Variants in MECOM observed in about 807,000 individuals in gnomAD.
MECOM encodes the protein histone-lysine N-methyltransferase MECOM.
A neutral mutation model predicts 116.3 loss-of-function variants in MECOM; 13 were observed. That is an observed-to-expected ratio of 0.11 (90% CI 0.07 to 0.18). MECOM has a LOEUF of 0.18. Among genes scored for constraint, MECOM ranks in the 10% least tolerant of loss-of-function variants. MECOM has a pLI of 1.00. For missense variants in MECOM, 1,299 were observed against 1,509.0 expected (o/e 0.86, Z 2.31); for synonymous variants, 528 against 535.2 (o/e 0.99, Z 0.19).
At chr3:169,526,892 A>G (rs1167146673) in intron 1 of MECOM, among the ~76,000 whole-genome samples, 3 of 152,188 alleles carry the variant, frequency 2.0e-5, no homozygotes, top group Non-Finnish European at 4.4e-5. Context: ...AAAGCTATAT[A>G]AAATAATGAT....
chr3:169,227,107 T>G (rs906747439), intron 2 of MECOM, among the ~76,000 whole-genome samples: 1 of 152,158 alleles, frequency 6.6e-6, no homozygotes, highest in Non-Finnish European at 1.5e-5. Flanking sequence ...TATAAAATAG[T>G]CATGGTGATG....
At chr3:169,626,211 A>G (rs1237103495) in intron 1 of MECOM, among the ~76,000 whole-genome samples, 1 of 152,158 alleles carries the variant, frequency 6.6e-6, no homozygotes, top group Non-Finnish European at 1.5e-5. Context: ...TTTGTGGTGT[A>G]ACTTATCCTC....
chr3:169,087,710 C>G (rs1311643701), intron 16 of MECOM, among the ~76,000 whole-genome samples: 2 of 152,084 alleles, frequency 1.3e-5, no homozygotes, highest in East Asian at 3.9e-4. Flanking sequence ...CTAGCCACCC[C>G]TTATGGATGT....
In MECOM at chr3:169,370,688, T is replaced by G. The variant is rs182813899; in HGVS notation, c.375+10499A>C. 2.1e-3 allele frequency among the ~76,000 whole-genome samples: 314 copies of G among 151,806 alleles called. 1 individual carries two copies. Among genetic ancestry groups the G allele is most frequent in the African/African-American group, 6.9e-3 (288 of 41,478 alleles). ...TCATGCAACTCAATAGCAAAAAACATTAATAATAAAATAACTCAATTTAAA... is the reference window on the plus strand; with the variant it reads ...TCATGCAACTCAATAGCAAAAAACAGTAATAATAAAATAACTCAATTTAAA... On this transcript the variant is annotated intron_variant, in intron 2 of 16. Transcript: ENST00000651503.
At chr3:169,205,657 G>A (rs1378573383) in intron 2 of MECOM, among the ~76,000 whole-genome samples, 1 of 152,164 alleles carries the variant, frequency 6.6e-6, no homozygotes, top group Non-Finnish European at 1.5e-5. Flanking sequence ...AAAATGGGAG[G>A]ATTCAGGAAG....
At chr3:169,244,631 C>G (rs1264846121) in intron 2 of MECOM, among the ~76,000 whole-genome samples, 1 of 152,192 alleles carries the variant, frequency 6.6e-6, no homozygotes, top group African/African-American at 2.4e-5. Flanking sequence ...AAAATTACAG[C>G]ATTAAGTTTC....
chr3:169,580,497 C>T (rs990357115), intron 1 of MECOM, among the ~76,000 whole-genome samples: 3 of 152,108 alleles, frequency 2.0e-5, no homozygotes, highest in Non-Finnish European at 2.9e-5. Context: ...AAATATTCAC[C>T]TCCAGTTACC....
At chr3:169,400,760 C>T (rs1044701723) in intron 1 of MECOM, among the ~76,000 whole-genome samples, 2 of 152,114 alleles carry the variant, frequency 1.3e-5, no homozygotes, top group Non-Finnish European at 2.9e-5. Flanking sequence ...TCTCCTAGTA[C>T]CAGAAGCTAT....
intron 12 of MECOM, among the ~76,000 whole-genome samples, chr3:169,097,934 A>G (rs746751467): frequency 9.9e-5 from 15 of 151,568 alleles, no homozygotes; most frequent in Non-Finnish European, 2.1e-4. Flanking sequence ...AACTTTTACT[A>G]CATAAAGTAT....
chr3:169,267,527 CCTGTGGGG>C (rs1758458048), intron 2 of MECOM, among the ~76,000 whole-genome samples: 1 of 152,024 alleles, frequency 6.6e-6, no homozygotes, highest in Admixed American at 6.6e-5. Flanking sequence ...AAGAAAGGGA[CCTGTGGGG>C]CTGAGGGGGT....
At chr3:169,569,151 A>C (rs1763590424) in intron 1 of MECOM, among the ~76,000 whole-genome samples, 1 of 152,100 alleles carries the variant, frequency 6.6e-6, no homozygotes, top group Non-Finnish European at 1.5e-5. Flanking sequence ...AGGAATATTT[A>C]CCAAGCAAAT....
chr3:169,148,518 C>T (rs1291127516), intron 2 of MECOM, among the ~76,000 whole-genome samples: 1 of 152,142 alleles, frequency 6.6e-6, no homozygotes, highest in Non-Finnish European at 1.5e-5. Flanking sequence ...TGGAAGTAAA[C>T]GCGTTTTTAT....
At chr3:169,316,896 TAGTTA>T (rs1719841849) in intron 2 of MECOM, among the ~76,000 whole-genome samples, 1 of 152,180 alleles carries the variant, frequency 6.6e-6, no homozygotes, top group African/African-American at 2.4e-5. Context: ...TGTGTGTCAT[TAGTTA>T]AAAGAAAAAT....
chr3:169,565,877 G>C (rs1763171656), intron 1 of MECOM: 1 of 413,886 alleles, frequency 2.4e-6, no homozygotes, highest in Non-Finnish European at 4.8e-6. Context: ...GCACACCACT[G>C]GTAACCTGGT....
At chr3:169,636,711 T>C (rs1577217982) in intron 1 of MECOM, among the ~76,000 whole-genome samples, 1 of 152,312 alleles carries the variant, frequency 6.6e-6, no homozygotes, top group South Asian at 2.1e-4. Flanking sequence ...ATCTCTTGGG[T>C]TCAGTTTCCT....
At chr3:169,600,203 C>T (rs1767671075) in intron 1 of MECOM, among the ~76,000 whole-genome samples, 1 of 152,126 alleles carries the variant, frequency 6.6e-6, no homozygotes, top group Non-Finnish European at 1.5e-5. Context: ...AACTCCTGAC[C>T]TCATGTGATC....
chr3:169,456,811 T>C (rs1746590298), intron 1 of MECOM, among the ~76,000 whole-genome samples: 1 of 152,156 alleles, frequency 6.6e-6, no homozygotes, highest in East Asian at 1.9e-4. Flanking sequence ...TAACCAGTAT[T>C]AGTAATAAAC....
chr3:169,263,650 A>C lies in MECOM; in HGVS notation c.375+117537T>G, dbSNP rs535894727. ...TAATTTCATTAGTGAATACTGAATA[A>C]AATTTTGAGTTCATTGTCTTAAAGT... On this transcript the variant is annotated intron_variant, in intron 2 of 16. Transcript: ENST00000651503. Among the ~76,000 whole-genome samples, 6 of 152,182 alleles carry C rather than the reference A, an allele frequency of 3.9e-5. No individual in the cohort carries two copies. In the South Asian group the frequency reaches 1.2e-3, roughly 32 times the overall value.
At chr3:169,543,949 A>C (rs1050268688) in intron 1 of MECOM, among the ~76,000 whole-genome samples, 1 of 152,164 alleles carries the variant, frequency 6.6e-6, no homozygotes, top group East Asian at 1.9e-4. Flanking sequence ...GCAGTGGCAC[A>C]ATCTTGGCTC....
Sources: allele counts gnomAD v4.1 joint callset (sites outside exome capture counted in the v4.1 genomes callset), GRCh38; gene constraint gnomAD v4.1.1; transcripts MANE v1.5; gene names NCBI Gene and HGNC (gene_info 2026-07-23, HGNC 2026-07-21).